The following NCAPD2 variants were observed in gnomAD, a reference collection of about 807,000 sequenced individuals.
NCAPD2 encodes non-SMC condensin I complex subunit D2.
A neutral mutation model predicts 164.5 loss-of-function variants in NCAPD2; 100 were observed. The observed-to-expected ratio is 0.61, with a 90% CI of 0.52 to 0.72. The LOEUF (loss-of-function observed/expected upper bound fraction) is 0.72, where lower values mean the gene tolerates loss of function less well. NCAPD2 is among the 30% of genes least tolerant of loss of function. The probability of loss-of-function intolerance (pLI) is 0.00; values close to 1 mark genes in which losing one functional copy is unlikely to be tolerated. For missense variants in NCAPD2, 1,560 were observed against 1,749.2 expected, an observed-to-expected ratio of 0.89 and a Z score of 1.93; for synonymous variants, 585 against 642.6, an observed-to-expected ratio of 0.91 and a Z score of 1.36.
In NCAPD2 at chr12:6,503,794, A is replaced by G. The variant is rs1946062708; in HGVS notation, c.128-5923A>G. Among the ~76,000 whole-genome samples, 4 of 145,124 alleles carry G rather than the reference A, an allele frequency of 2.8e-5. No homozygotes were observed. In the South Asian group the frequency reaches 8.7e-4, roughly 32 times the overall value. On this transcript the variant is annotated intron_variant, in intron 2 of 31. Coordinates refer to ENST00000315579, the MANE Select transcript of NCAPD2 (RefSeq NM_014865.4). The stretch of plus-strand genomic sequence containing the variant: ...TATTTTTTTTTTTTTTTTAAAAAAG[A>G]TGGTGAAACCCCGTCTCTACTAAAA...
chr12:6,526,524 C>T lies in NCAPD2; in HGVS notation c.2643C>T (p.Gly881=), dbSNP rs776850585. Residue 881 remains glycine, a synonymous_variant, in exon 21 of 32, where the codon GGC becomes GGT. Coordinates refer to ENST00000315579, the MANE Select transcript of NCAPD2 (RefSeq NM_014865.4). The part of the protein sequence containing the change: ...AVTLIYQLAE[G]PEVICAQILQ... ...CCCTCATTTACCAACTGGCAGAGGG[C>T]CCCGAAGTGATCTGTGCCCAGATAT... 3 of 1,614,152 alleles carry T rather than the reference C, an allele frequency of 1.9e-6. No individual in the cohort carries two copies. Among genetic ancestry groups the T allele is most frequent in the Admixed American group, 3.3e-5 (2 of 60,022 alleles).
At chr12:6,523,058 C>T (rs1399573821) in intron 16 of NCAPD2, 56 bp downstream of exon 16, 1 of 1,588,240 alleles carries the variant, frequency 6.3e-7, no homozygotes, top group African/African-American at 1.3e-5. Context: ...TCTCACAGGA[C>T]TTCCCTTGTC....
chr12:6,500,554 C>T (rs1309452453), intron 2 of NCAPD2, among the ~76,000 whole-genome samples: 1 of 152,150 alleles, frequency 6.6e-6, no homozygotes, highest in Non-Finnish European at 1.5e-5. Flanking sequence ...ATGTGGTCCT[C>T]AGATCAGCAG....
intron 19 of NCAPD2, 22 bp from the exon 20 acceptor site, chr12:6,526,265 C>G (rs1156404053): frequency 6.2e-7 from 1 of 1,614,114 alleles, no homozygotes; most frequent in Non-Finnish European, 8.5e-7. Flanking sequence ...TACACACACC[C>G]ACGTTGTCTT....
Position 6,517,808 on chromosome 12 carries a change from G to A in NCAPD2, c.1438G>A (p.Glu480Lys), listed in dbSNP as rs1592172683. The A allele has an allele frequency of 6.2e-7, 1 of 1,614,128 alleles. No individual in the cohort carries two copies. The highest frequency in any genetic ancestry group is 1.1e-5 in the South Asian group (1 of 91,084). ...AGTGCTGGACCCAGAGGAGGAGTGG[G>A]AAGCCATGCTGCCAGAGTTGAAGTC... ...SAVLDPEEEW[E>K]AMLPELKSTL... Residue 480 changes from glutamate (E) to lysine (K), a missense_variant, in exon 13 of 32, where the codon GAA becomes AAA. Coordinates refer to ENST00000315579, the MANE Select transcript of NCAPD2 (RefSeq NM_014865.4).
chr12:6,519,042 C>T (rs994582470), intron 13 of NCAPD2, among the ~76,000 whole-genome samples: 2 of 151,912 alleles, frequency 1.3e-5, no homozygotes, highest in Admixed American at 6.6e-5. Context: ...CCCGCCACCA[C>T]GCCCGGCTAA....
intron 13 of NCAPD2, among the ~76,000 whole-genome samples, chr12:6,518,521 T>G (rs965653243): frequency 8.4e-6 from 1 of 118,344 alleles, no homozygotes; most frequent in Non-Finnish European, 1.7e-5. Context: ...TTTTTTTTTT[T>G]TTTTTTTTTT....
rs114865069 is a variant in NCAPD2 at position 6,516,763 on chromosome 12, T to C, written c.988-65T>C. The C allele has an allele frequency of 2.1e-3, 3,200 of 1,530,098 alleles. 48 individuals are homozygous for C. In the African/African-American group the frequency reaches 0.038, roughly 18 times the overall value. The allele number at this position is 1,530,098 out of a possible 1,614,324, so 94.8% of individuals were successfully genotyped here. On this transcript the variant is annotated intron_variant, in intron 9 of 31. Coordinates refer to ENST00000315579, the MANE Select transcript of NCAPD2 (RefSeq NM_014865.4). ...CCTAGGCAGTTAATGGAAAAAGTTA[T>C]GGCCAAGCACAAGCAAGCTTCGCCT...
In NCAPD2 at chr12:6,517,274, GT is replaced by G. The variant is rs1320050727; in HGVS notation, c.1186-90del. On this transcript the variant is annotated intron_variant, in intron 10 of 31. Coordinates refer to ENST00000315579, the MANE Select transcript of NCAPD2 (RefSeq NM_014865.4). ...TAGAAAGGGTTTTTAGAGTGAGTGG[GT>G]AGCTCAGTTTAGAGTATACTTAAAG... 44 of 1,531,704 alleles carry G rather than the reference GT, an allele frequency of 2.9e-5. No homozygotes were observed. The South Asian group carries it at 5.3e-4, about 18-fold the overall frequency. 94.9% of individuals were successfully genotyped at this position (1,531,704 alleles called of 1,614,324 possible).
At chr12:6,518,503 A>ATTTTTTTTTTTT (rs1565544079) in intron 13 of NCAPD2, among the ~76,000 whole-genome samples, 2 of 30,714 alleles carry the variant, frequency 6.5e-5, no homozygotes, top group Non-Finnish European at 1.2e-4. Flanking sequence ...GCCGTCAACA[A>ATTTTTTTTTTTT]GTTTTTTTTT....
At chr12:6,520,181 T>TA (rs10674281) in intron 13 of NCAPD2, among the ~76,000 whole-genome samples, 45,700 of 141,160 alleles carry the variant, frequency 0.32, 7,903 homozygotes, top group East Asian at 0.42. Context: ...ACTCTGTCTC[T>TA]AAAAAAAAAA....
intron 2 of NCAPD2, among the ~76,000 whole-genome samples, chr12:6,508,405 G>A (rs956044985): frequency 6.6e-6 from 1 of 152,148 alleles, no homozygotes; most frequent in Non-Finnish European, 1.5e-5. Context: ...CAGAGACCAA[G>A]TATGGGACAA....
chr12:6,529,397 G>A (rs1946349927), intron 27 of NCAPD2, 116 bp from the exon 28 acceptor site: 1 of 932,008 alleles, frequency 1.1e-6, no homozygotes, highest in Non-Finnish European at 1.7e-6. Flanking sequence ...GGCAGACAGG[G>A]GCCGTGGCAG....
Position 6,523,341 on chromosome 12 carries a change from G to A in NCAPD2, c.2209G>A (p.Glu737Lys). The A allele has an allele frequency of 6.2e-7, 1 of 1,608,282 alleles. No individual in the cohort carries two copies. Among genetic ancestry groups the A allele is most frequent in the Non-Finnish European group, 8.5e-7 (1 of 1,175,812 alleles). Residue 737 changes from glutamate (E) to lysine (K), a missense_variant, in exon 17 of 32, where the codon GAA becomes AAA. Glu to Lys is a moderately conservative substitution (Grantham distance 56). Transcript: ENST00000315579. ...GGTTGGGACCATTCAGTGTCTTGAG[G>A]AAATTGTAAGGCTTCCTGCTTTCTC... ...ASVGTIQCLE[E>K]ILCEFVQKDE...
chr12:6,507,704 A>G (rs1045577734), intron 2 of NCAPD2, among the ~76,000 whole-genome samples: 13 of 152,224 alleles, frequency 8.5e-5, no homozygotes, highest in Admixed American at 2.6e-4. Flanking sequence ...TAGTAATAGT[A>G]AGAAATAGTA....
At chr12:6,510,943 G>A in intron 5 of NCAPD2, 133 bp downstream of exon 5, 1 of 1,316,126 alleles carries the variant, frequency 7.6e-7, no homozygotes, top group Non-Finnish European at 1.1e-6. Flanking sequence ...ACTCAAAAGT[G>A]TCACACGTTT....
chr12:6,516,195 C>CA (rs1229356308), intron 9 of NCAPD2, among the ~76,000 whole-genome samples: 94 of 138,308 alleles, frequency 6.8e-4, no homozygotes, highest in Non-Finnish European at 7.6e-4. Flanking sequence ...GACTCTGTCT[C>CA]AAAAAAAAAA....
intron 15 of NCAPD2, 140 bp from the exon 16 acceptor site, chr12:6,522,688 C>T: frequency 1.2e-6 from 1 of 864,800 alleles, no homozygotes; most frequent in African/African-American, 1.7e-5. Context: ...CATGATAAGG[C>T]ATCATAGGAG....
chr12:6,529,516 G>C lies in NCAPD2; in HGVS notation c.3576G>C (p.Gln1192His). 1 of 1,613,962 alleles carries C rather than the reference G, an allele frequency of 6.2e-7. No individual in the cohort carries two copies. Residue 1192 changes from glutamine to histidine, a missense_variant, in exon 28 of 32, where the codon CAG (glutamine) becomes CAC (histidine). Transcript: ENST00000315579. ...TCCTCATCTCCCCTTCCTGCAGACA[G>C]CTCCTCTCCTACATCACCAAGGACA... is the stretch of plus-strand genomic sequence containing the variant. ...EEEPFHTIMK[Q>H]LLSYITKDKQ...
Sources: gnomAD v4.1 joint callset for allele counts (sites outside exome capture counted in the v4.1 genomes callset) on GRCh38, gnomAD v4.1.1 for gene constraint, MANE v1.5 for transcripts, NCBI Gene and HGNC (gene_info 2026-07-23, HGNC 2026-07-21) for gene names.